The following THSD7A variants were observed in gnomAD, a reference collection of about 807,000 sequenced individuals.
THSD7A encodes the protein thrombospondin type-1 domain-containing protein 7A.
THSD7A carries 96 observed loss-of-function variants against 231.3 expected under a neutral mutation model. The ratio of observed to expected loss-of-function variants is 0.41; its 90% CI spans 0.35 to 0.49. THSD7A has a LOEUF of 0.49. THSD7A is among the 20% of genes least tolerant of loss of function. The probability of loss-of-function intolerance (pLI) is 0.05; values close to 1 mark genes in which losing one functional copy is unlikely to be tolerated. For missense variants in THSD7A, 2,290 were observed against 2,070.2 expected, an observed-to-expected ratio of 1.11 and a Z score of -2.06; for synonymous variants, 940 against 743.3, an observed-to-expected ratio of 1.26 and a Z score of -4.30.
rs552093520 is a variant in THSD7A at position 11,589,699 on chromosome 7, A to T, written c.1453+761T>A. The stretch of plus-strand genomic sequence containing the variant: ...GTCCTGCTATTCCTCAGACAGAAGG[A>T]GGATAAAGACTGCTTACAGTACTGC... On this transcript the variant is annotated intron_variant, in intron 4 of 27. Transcript: ENST00000423059. Among the ~76,000 whole-genome samples the T allele has an allele frequency of 8.1e-4, 123 of 152,326 alleles. 1 individual carries two copies. Among genetic ancestry groups the T allele is most frequent in the Middle Eastern group, 3.4e-3 (1 of 294 alleles).
At chr7:11,731,773 C>A (rs1195610619) in intron 1 of THSD7A, among the ~76,000 whole-genome samples, 1 of 151,598 alleles carries the variant, frequency 6.6e-6, no homozygotes, top group Non-Finnish European at 1.5e-5. Flanking sequence ...GCAAAAGAAT[C>A]TAATTTGTGT....
intron 1 of THSD7A, among the ~76,000 whole-genome samples, chr7:11,725,118 T>A (rs1781504425): frequency 6.6e-6 from 1 of 151,906 alleles, no homozygotes; most frequent in Admixed American, 6.6e-5. Context: ...ATAATATACA[T>A]TTACATTTGA....
At position 11,756,133 on chromosome 7, in the gene THSD7A, G is replaced by C. The variant is rs534795123; in HGVS notation, c.190+75624C>G. On this transcript the variant is annotated intron_variant, in intron 1 of 27. Coordinates refer to ENST00000423059, the MANE Select transcript of THSD7A (RefSeq NM_015204.3). ...CAGAATGTACCAGGTTATTCATCCTGGGTCCTTTTATACTTTCTCTTTCTG... is the reference window on the plus strand; with the variant it reads ...CAGAATGTACCAGGTTATTCATCCTCGGTCCTTTTATACTTTCTCTTTCTG... Among the ~76,000 whole-genome samples the C allele has an allele frequency of 1.4e-4, 22 of 152,062 alleles. 1 individual carries two copies. In the South Asian group the frequency reaches 4.6e-3, roughly 32 times the overall value.
At chr7:11,790,415 A>G (rs1218816826) in intron 1 of THSD7A, among the ~76,000 whole-genome samples, 1 of 151,976 alleles carries the variant, frequency 6.6e-6, no homozygotes, top group East Asian at 1.9e-4. Flanking sequence ...ACTTTACAAT[A>G]GAATGGTTTC....
At chr7:11,572,950 A>G (rs1299109401) in intron 4 of THSD7A, among the ~76,000 whole-genome samples, 1 of 152,150 alleles carries the variant, frequency 6.6e-6, no homozygotes, top group Non-Finnish European at 1.5e-5. Context: ...AACCTCGATT[A>G]TGTCATCTTC....
At chr7:11,648,189 G>T (rs980411313) in intron 1 of THSD7A, among the ~76,000 whole-genome samples, 3 of 152,050 alleles carry the variant, frequency 2.0e-5, no homozygotes, top group Non-Finnish European at 4.4e-5. Flanking sequence ...TAAGCTCACA[G>T]CTCTGTCCCG....
rs545570629 is a variant in THSD7A, at chr7:11,603,907, T to C, written c.1023-10405A>G. ...GTGGGGGGAGGGGGGAAGGATAGCA[T>C]TGGGAGATATACCTAATGCTAGATG... On this transcript the variant is annotated intron_variant, in intron 2 of 27. Transcript: ENST00000423059. 3.8e-4 allele frequency among the ~76,000 whole-genome samples: 57 copies of C among 148,352 alleles called. No homozygotes were observed. The South Asian group carries it at 0.01, about 26-fold the overall frequency.
intron 11 of THSD7A, among the ~76,000 whole-genome samples, chr7:11,457,312 C>A (rs1268369501): frequency 6.6e-6 from 1 of 152,002 alleles, no homozygotes; most frequent in Non-Finnish European, 1.5e-5. Context: ...ATTAGCTCTA[C>A]TTTTAGACCT....
Position 11,411,129 on chromosome 7 carries a change from C to T in THSD7A, c.3798+78G>A, listed in dbSNP as rs185925756. The T allele has an allele frequency of 1.7e-4, 182 of 1,064,860 alleles. No individual in the cohort carries two copies. The African/African-American group carries it at 2.1e-3, about 12-fold the overall frequency. The allele number at this position is 1,064,860 out of a possible 1,614,324, so 66.0% of individuals were successfully genotyped here. On this transcript the variant is annotated intron_variant, in intron 19 of 27. Coordinates refer to ENST00000423059, the MANE Select transcript of THSD7A (RefSeq NM_015204.3). The surrounding 1 kb of genome is among the most constrained non-coding windows in gnomAD (Gnocchi z 4.1). ...TGCTGGCAATGAGCTGCATGGAGCA[C>T]GGGTCACTTGGCTCAGCATGAATTG...
intron 23 of THSD7A, among the ~76,000 whole-genome samples, chr7:11,387,628 T>TA (rs1304567307): frequency 1.3e-5 from 2 of 152,198 alleles, no homozygotes; most frequent in African/African-American, 4.8e-5. Flanking sequence ...TGGGGTTTTC[T>TA]AAATATACAA....
intron 4 of THSD7A, among the ~76,000 whole-genome samples, chr7:11,560,745 G>A (rs1034742): frequency 6.6e-6 from 1 of 151,976 alleles, no homozygotes; most frequent in Non-Finnish European, 1.5e-5. Flanking sequence ...ATTCTCCCCA[G>A]CTCCACTGAG....
At position 11,408,316 on chromosome 7, in the gene THSD7A, G is replaced by A. The variant is rs145923856; in HGVS notation, c.3799-893C>T. Among the ~76,000 whole-genome samples the A allele has an allele frequency of 8.9e-4, 136 of 152,070 alleles. No homozygotes were observed. In the Middle Eastern group the frequency reaches 0.014, roughly 15 times the overall value. On this transcript the variant is annotated intron_variant, in intron 19 of 27. Transcript: ENST00000423059. Reference sequence around the variant, plus strand: ...CTGAAAGCATGATGGCCAACATTGCGAAACCTCACCTCTACTAAAAAAAAT... The same window carrying A: ...CTGAAAGCATGATGGCCAACATTGCAAAACCTCACCTCTACTAAAAAAAAT...
chr7:11,382,010 C>T (rs1332019424), intron 24 of THSD7A, among the ~76,000 whole-genome samples: 2 of 152,040 alleles, frequency 1.3e-5, no homozygotes, highest in Non-Finnish European at 2.9e-5. Context: ...CTCAGATGGT[C>T]TGGGTTTGAA....
At chr7:11,648,080 T>C (rs1782351251) in intron 1 of THSD7A, among the ~76,000 whole-genome samples, 1 of 152,130 alleles carries the variant, frequency 6.6e-6, no homozygotes, top group Non-Finnish European at 1.5e-5. Flanking sequence ...ACTTCTGTAT[T>C]TCTAATCAAC....
chr7:11,478,413 C>A (rs1389959683), intron 7 of THSD7A, among the ~76,000 whole-genome samples: 2 of 152,270 alleles, frequency 1.3e-5, no homozygotes, highest in East Asian at 1.9e-4. Context: ...GCCAGGCCAC[C>A]TCTTTTCCCA....
intron 1 of THSD7A, among the ~76,000 whole-genome samples, chr7:11,662,920 CTT>C (rs1217360808): frequency 1.3e-5 from 2 of 151,106 alleles, no homozygotes; most frequent in African/African-American, 2.4e-5. Flanking sequence ...AATAAGAAAA[CTT>C]ATCATTTAAA....
chr7:11,621,315 G>C (rs1238487508), intron 2 of THSD7A, among the ~76,000 whole-genome samples: 2 of 152,036 alleles, frequency 1.3e-5, no homozygotes, highest in Non-Finnish European at 2.9e-5. Context: ...CTGTATCCCA[G>C]TCACGACATA....
At chr7:11,568,574 G>A (rs1473744337) in intron 4 of THSD7A, among the ~76,000 whole-genome samples, 2 of 124,962 alleles carry the variant, frequency 1.6e-5, no homozygotes, top group Non-Finnish European at 3.2e-5. Context: ...GCAGTGAGCC[G>A]AGATCACGCC....
intron 6 of THSD7A, among the ~76,000 whole-genome samples, chr7:11,513,837 G>A (rs986852396): frequency 2.6e-5 from 4 of 151,884 alleles, no homozygotes; most frequent in African/African-American, 9.7e-5. Flanking sequence ...GTTGATTATA[G>A]TTTATAAGGC....
Sources: allele counts gnomAD v4.1 joint callset (sites outside exome capture counted in the v4.1 genomes callset), GRCh38; gene constraint gnomAD v4.1.1; non-coding constraint Gnocchi (gnomAD v3.1); transcripts MANE v1.5; gene names NCBI Gene and HGNC (gene_info 2026-07-23, HGNC 2026-07-21).